KIAA1217: variants seen among roughly 807,000 people sequenced by gnomAD.
KIAA1217 encodes the protein KIAA1217, also known as sickle tail protein homolog.
Under a neutral mutation model 163.9 loss-of-function variants are expected in KIAA1217, and 88 were observed. The observed-to-expected ratio is 0.54, with a 90% CI of 0.45 to 0.64. KIAA1217 has a LOEUF of 0.64. KIAA1217 is among the 30% of genes least tolerant of loss of function. The probability of loss-of-function intolerance (pLI) is 0.00; values close to 1 mark genes in which losing one functional copy is unlikely to be tolerated. For missense variants in KIAA1217, 2,372 were observed against 2,475.0 expected (o/e 0.96, Z 0.88); for synonymous variants, 903 against 923.1 (o/e 0.98, Z 0.39).
intron 3 of KIAA1217, among the ~76,000 whole-genome samples, chr10:24,407,758 G>A (rs185237421): frequency 1.5e-4 from 23 of 152,258 alleles, no homozygotes; most frequent in African/African-American, 5.1e-4. Context: ...GACCTTGATG[G>A]CAGTCCTTAA....
chr10:24,108,894 C>G (rs2062732764), intron 2 of KIAA1217, among the ~76,000 whole-genome samples: 1 of 152,158 alleles, frequency 6.6e-6, no homozygotes, highest in African/African-American at 2.4e-5. Context: ...TGCAATGGCT[C>G]AATATCGGCT....
intron 1 of KIAA1217, among the ~76,000 whole-genome samples, chr10:23,754,132 T>C (rs540861181): frequency 6.6e-6 from 1 of 152,220 alleles, no homozygotes; most frequent in Non-Finnish European, 1.5e-5. Context: ...TTCTTTTGTC[T>C]CAGAATATAG....
intron 2 of KIAA1217, among the ~76,000 whole-genome samples, chr10:24,136,811 G>T (rs1352858296): frequency 1.3e-5 from 2 of 152,194 alleles, no homozygotes; most frequent in African/African-American, 4.8e-5. Context: ...TAAGAGGGAG[G>T]TTCTGCGTGG....
chr10:23,868,280 G>C (rs1588981437), intron 1 of KIAA1217, among the ~76,000 whole-genome samples: 1 of 152,172 alleles, frequency 6.6e-6, no homozygotes, highest in Admixed American at 6.6e-5. Context: ...CAGATGTACG[G>C]TTACTCAGTT....
intron 3 of KIAA1217, among the ~76,000 whole-genome samples, chr10:24,384,428 G>A (rs778762686): frequency 6.6e-6 from 1 of 152,046 alleles, no homozygotes; most frequent in South Asian, 2.1e-4. Context: ...AGAGTGGTAC[G>A]TTTGTTACGA....
chr10:23,972,020 A>G (rs893045178), intron 1 of KIAA1217, among the ~76,000 whole-genome samples: 3 of 152,202 alleles, frequency 2.0e-5, no homozygotes, highest in Admixed American at 1.3e-4. Flanking sequence ...AACTGAACCA[A>G]TGAATATCTA....
intron 2 of KIAA1217, among the ~76,000 whole-genome samples, chr10:24,234,926 G>A (rs1034098967): frequency 1.3e-5 from 2 of 152,124 alleles, no homozygotes; most frequent in African/African-American, 2.4e-5. Context: ...AAATGACAGT[G>A]GTTGCTCCAA....
chr10:24,329,312 ATATG>A (rs2045359183), intron 2 of KIAA1217, among the ~76,000 whole-genome samples: 1 of 150,252 alleles, frequency 6.7e-6, no homozygotes, highest in South Asian at 2.1e-4. Flanking sequence ...AGAAGTATAA[ATATG>A]TATACTATAT....
chr10:23,812,272 G>A (rs1157647510), intron 1 of KIAA1217, among the ~76,000 whole-genome samples: 2 of 152,142 alleles, frequency 1.3e-5, no homozygotes, highest in African/African-American at 4.8e-5. Flanking sequence ...CCATGCTTTT[G>A]CTAGTGTTAT....
chr10:24,222,787 G>A (rs1050723819), intron 2 of KIAA1217, among the ~76,000 whole-genome samples: 1 of 152,168 alleles, frequency 6.6e-6, no homozygotes, highest in Non-Finnish European at 1.5e-5. Flanking sequence ...TGGGATCACA[G>A]GTGTGAGCCC....
intron 17 of KIAA1217, chr10:24,542,470 T>C (rs2075235488): frequency 2.2e-6 from 3 of 1,390,216 alleles, no homozygotes; most frequent in Non-Finnish European, 2.8e-6. Flanking sequence ...TCTTGAAATC[T>C]TTTGCTAATT....
intron 2 of KIAA1217, among the ~76,000 whole-genome samples, chr10:24,201,291 G>A (rs1416954855): frequency 6.6e-6 from 1 of 152,008 alleles, no homozygotes; most frequent in Non-Finnish European, 1.5e-5. Flanking sequence ...AAAATTCGTT[G>A]CACCTTTTTT....
At chr10:24,415,104 C>T (rs1431260361) in intron 3 of KIAA1217, among the ~76,000 whole-genome samples, 2 of 139,084 alleles carry the variant, frequency 1.4e-5, no homozygotes, top group South Asian at 4.3e-4. Flanking sequence ...GTAGCCTGAT[C>T]TCTCTCTTTT....
chr10:24,328,230 G>C (rs1271095176), intron 2 of KIAA1217, among the ~76,000 whole-genome samples: 2 of 152,116 alleles, frequency 1.3e-5, no homozygotes, highest in Non-Finnish European at 2.9e-5. Context: ...TAAAATTAGG[G>C]GGTTATGTAG....
chr10:24,347,317 C>G (rs764908256), intron 2 of KIAA1217, among the ~76,000 whole-genome samples: 5 of 152,176 alleles, frequency 3.3e-5, no homozygotes, highest in African/African-American at 1.2e-4. Flanking sequence ...TCTCACCAAA[C>G]TCTCTCAAAT....
At chr10:24,345,465 T>C (rs778815487) in intron 2 of KIAA1217, among the ~76,000 whole-genome samples, 6 of 152,196 alleles carry the variant, frequency 3.9e-5, no homozygotes, top group South Asian at 2.1e-4. Flanking sequence ...GTTTAAGATC[T>C]CAAGGAATCA....
intron 2 of KIAA1217, among the ~76,000 whole-genome samples, chr10:24,245,524 AT>A (rs2073688059): frequency 6.6e-6 from 1 of 152,160 alleles, no homozygotes; most frequent in Non-Finnish European, 1.5e-5. Context: ...GAGAACTAAG[AT>A]TCTGATGGAC....
intron 2 of KIAA1217, among the ~76,000 whole-genome samples, chr10:24,284,885 CA>C (rs2078380049): frequency 6.6e-6 from 1 of 152,160 alleles, no homozygotes; most frequent in South Asian, 2.1e-4. Flanking sequence ...CTTTTTTCCA[CA>C]GCTTCGCCAA....
At chr10:24,452,550 C>T (rs928207148) in intron 5 of KIAA1217, among the ~76,000 whole-genome samples, 1 of 150,652 alleles carries the variant, frequency 6.6e-6, no homozygotes, top group Admixed American at 6.6e-5. Flanking sequence ...GGCGTGGTGG[C>T]GGGCGCCTGT....
Sources: allele counts gnomAD v4.1 joint callset (sites outside exome capture counted in the v4.1 genomes callset), GRCh38; gene constraint gnomAD v4.1.1; transcripts MANE v1.5; gene names NCBI Gene and HGNC (gene_info 2026-07-23, HGNC 2026-07-21).